VPS37A: variants seen among roughly 807,000 people sequenced by gnomAD.
VPS37A encodes the protein vacuolar protein sorting-associated protein 37A.
A neutral mutation model predicts 49.8 loss-of-function variants in VPS37A; 30 were observed. The ratio of observed to expected loss-of-function variants is 0.60; its 90% CI spans 0.45 to 0.82. The LOEUF (loss-of-function observed/expected upper bound fraction) is 0.82, where lower values mean the gene tolerates loss of function less well. Among genes scored for constraint, VPS37A ranks in the 40% least tolerant of loss-of-function variants. The pLI, the probability that VPS37A is intolerant of heterozygous loss-of-function variation, is 0.00. For synonymous variants in VPS37A, 195 were observed against 160.6 expected, an observed-to-expected ratio of 1.21 and a Z score of -1.62; for missense variants, 593 against 464.4, an observed-to-expected ratio of 1.28 and a Z score of -2.55.
In VPS37A at chr8:17,291,124, T is replaced by C. The variant is rs144909520; in HGVS notation, c.*1-3863T>C. Among the ~76,000 whole-genome samples the C allele has an allele frequency of 6.7e-3, 1,022 of 152,272 alleles. 19 individuals are homozygous for C. Among genetic ancestry groups the C allele is most frequent in the African/African-American group, 0.023 (968 of 41,552 alleles). Reference sequence around the variant, plus strand: ...CGCCTCCCAGGTTTAAGCAGTTCTCTGCCTCAGCCTCCCAAGTAGCTGGGA... The same window carrying C: ...CGCCTCCCAGGTTTAAGCAGTTCTCCGCCTCAGCCTCCCAAGTAGCTGGGA... On this transcript the variant is annotated intron_variant, in intron 11 of 11. Transcript: ENST00000324849.
chr8:17,320,519 G>A, the VPS37A span, among the ~76,000 whole-genome samples: 1 of 152,156 alleles, frequency 6.6e-6, no homozygotes, highest in Non-Finnish European at 1.5e-5. Context: ...TCGTAGTAAG[G>A]AGGACATACA....
At chr8:17,310,334 G>C in the VPS37A span, among the ~76,000 whole-genome samples, 1 of 152,112 alleles carries the variant, frequency 6.6e-6, no homozygotes, top group Non-Finnish European at 1.5e-5. Context: ...AAGTAATATG[G>C]ATAGTCTCAT....
chr8:17,297,927 T>G lies in VPS37A; in HGVS notation c.*2941T>G, dbSNP rs1370443602. On this transcript the variant is annotated 3_prime_UTR_variant, in exon 12 of 12. Coordinates refer to ENST00000324849, the MANE Select transcript of VPS37A (RefSeq NM_152415.3). ...GTTGAGGGGACTAAAAGTTTATGAC[T>G]CTGATATGGAAGTTGTCATATTAAA... is the stretch of plus-strand genomic sequence containing the variant. The G allele has an allele frequency of 1.3e-5, 2 of 152,086 alleles. No individual in the cohort carries two copies. Among genetic ancestry groups the G allele is most frequent in the Non-Finnish European group, 2.9e-5 (2 of 67,924 alleles). 9.4% of individuals were successfully genotyped at this position (152,086 alleles called of 1,614,324 possible).
intron 11 of VPS37A, among the ~76,000 whole-genome samples, chr8:17,294,364 G>T (rs560885083): frequency 2.0e-5 from 3 of 152,192 alleles, no homozygotes; most frequent in Non-Finnish European, 4.4e-5. Context: ...AAAATTTCAA[G>T]CCAGTGGATC....
rs1813723711 is a variant in VPS37A, at chr8:17,268,959, A to G, written c.416+3A>G. ...CCTACTTCAACAGCATTTCCTTAGT[A>G]AGTATATTTCTAGTAAATAAAAAAG... On this transcript the variant is annotated splice_donor_region_variant and intron_variant, in intron 4 of 11. Coordinates refer to ENST00000324849, the MANE Select transcript of VPS37A (RefSeq NM_152415.3). The G allele has an allele frequency of 1.3e-6, 2 of 1,583,360 alleles. No homozygotes were observed. The highest frequency in any genetic ancestry group is 1.7e-6 in the Non-Finnish European group (2 of 1,161,242).
the VPS37A span, among the ~76,000 whole-genome samples, chr8:17,319,605 T>C: frequency 6.6e-6 from 1 of 152,228 alleles, no homozygotes; most frequent in Non-Finnish European, 1.5e-5. Context: ...CCAGACACTA[T>C]GCTTTATATA....
intron 10 of VPS37A, among the ~76,000 whole-genome samples, chr8:17,285,926 T>G (rs965632677): frequency 1.3e-5 from 2 of 152,246 alleles, no homozygotes; most frequent in South Asian, 4.1e-4. Flanking sequence ...TTTTTTTGGT[T>G]GTTAAATTCT....
chr8:17,262,387 G>T (rs1468328880), intron 1 of VPS37A, among the ~76,000 whole-genome samples: 1 of 152,136 alleles, frequency 6.6e-6, no homozygotes, highest in Non-Finnish European at 1.5e-5. Flanking sequence ...GAGGATGCCA[G>T]TTAATCTATA....
chr8:17,274,349 A>T (rs1407155223), intron 4 of VPS37A, among the ~76,000 whole-genome samples: 2 of 152,230 alleles, frequency 1.3e-5, no homozygotes, highest in Non-Finnish European at 2.9e-5. Context: ...GTTAGCCTCT[A>T]CTTGAATAAA....
intron 9 of VPS37A, 52 bp downstream of exon 9, chr8:17,280,495 T>G (rs770802302): frequency 6.7e-7 from 1 of 1,485,422 alleles, no homozygotes; most frequent in Non-Finnish European, 9.1e-7. Context: ...TTTAATCTTA[T>G]GTGCATGAGT....
intron 4 of VPS37A, among the ~76,000 whole-genome samples, chr8:17,273,297 G>C (rs1449379677): frequency 6.6e-6 from 1 of 151,994 alleles, no homozygotes; most frequent in Non-Finnish European, 1.5e-5. Context: ...GAGCTTATTT[G>C]TTGGATAAAT....
intron 11 of VPS37A, among the ~76,000 whole-genome samples, chr8:17,292,041 C>T (rs936341702): frequency 2.6e-5 from 4 of 152,068 alleles, no homozygotes; most frequent in Non-Finnish European, 4.4e-5. Context: ...AATTTTCTGT[C>T]TCGTTGATCT....
the VPS37A span, among the ~76,000 whole-genome samples, chr8:17,316,957 T>C: frequency 6.6e-6 from 1 of 152,198 alleles, no homozygotes; most frequent in South Asian, 2.1e-4. Flanking sequence ...TGGTTTATGC[T>C]CTCACCAGTA....
chr8:17,256,535 T>C (rs1392671163), intron 1 of VPS37A, among the ~76,000 whole-genome samples: 1 of 151,832 alleles, frequency 6.6e-6, no homozygotes, highest in East Asian at 1.9e-4. Context: ...ATGTATTCGG[T>C]AGTTAATCCT....
At chr8:17,305,792 G>A (rs146868565), downstream of VPS37A, 20,683 of 1,613,336 alleles carry the variant, frequency 0.013, 188 homozygotes, top group Non-Finnish European at 0.014. Flanking sequence ...TGTTACATAG[G>A]AAGTTTCCAA....
intron 1 of VPS37A, among the ~76,000 whole-genome samples, chr8:17,261,963 A>G (rs983444247): frequency 2.6e-5 from 4 of 152,074 alleles, no homozygotes; most frequent in Non-Finnish European, 2.9e-5. Flanking sequence ...AGTCCTCATG[A>G]TGCTTCTGGT....
At chr8:17,251,024 T>C in intron 1 of VPS37A, among the ~76,000 whole-genome samples, 1 of 152,204 alleles carries the variant, frequency 6.6e-6, no homozygotes, top group East Asian at 1.9e-4. Context: ...GAACTAATTC[T>C]GTTTCTTATA....
At chr8:17,273,820 A>G (rs1445332190) in intron 4 of VPS37A, among the ~76,000 whole-genome samples, 3 of 152,076 alleles carry the variant, frequency 2.0e-5, no homozygotes, top group Admixed American at 6.5e-5. Flanking sequence ...AACTCAGGTT[A>G]TGTCATTAAA....
chr8:17,312,574 C>CAAAAAAAAAAA, the VPS37A span, among the ~76,000 whole-genome samples: 1 of 87,252 alleles, frequency 1.1e-5, no homozygotes, highest in African/African-American at 4.7e-5. Flanking sequence ...GACTCCCTCT[C>CAAAAAAAAAAA]AAAAAAAAAA....
Sources: gnomAD v4.1 joint callset for allele counts (sites outside exome capture counted in the v4.1 genomes callset) on GRCh38, gnomAD v4.1.1 for gene constraint, MANE v1.5 for transcripts, NCBI Gene and HGNC (gene_info 2026-07-23, HGNC 2026-07-21) for gene names.